The following NLGN1 variants were observed in gnomAD, a reference collection of about 807,000 sequenced individuals.
NLGN1 encodes neuroligin-1.
Under a neutral mutation model 65.5 loss-of-function variants are expected in NLGN1, and 12 were observed. The observed-to-expected ratio is 0.18, with a 90% CI of 0.12 to 0.30. The LOEUF (loss-of-function observed/expected upper bound fraction) is 0.30, where lower values mean the gene tolerates loss of function less well. Among genes scored for constraint, NLGN1 ranks in the 10% least tolerant of loss-of-function variants. NLGN1 has a pLI of 1.00. For missense variants in NLGN1, 750 were observed against 1,007.1 expected, an observed-to-expected ratio of 0.74 and a Z score of 3.46; for synonymous variants, 350 against 359.5, an observed-to-expected ratio of 0.97 and a Z score of 0.30.
chr3:173,847,157 A>G (rs976935367), intron 4 of NLGN1, among the ~76,000 whole-genome samples: 17 of 152,324 alleles, frequency 1.1e-4, no homozygotes, highest in African/African-American at 4.1e-4. Context: ...TTAAAGAGCC[A>G]CTGTTTGAAA....
chr3:173,527,429 G>A (rs917400684), intron 2 of NLGN1, among the ~76,000 whole-genome samples: 10 of 151,646 alleles, frequency 6.6e-5, no homozygotes, highest in South Asian at 2.1e-4. Flanking sequence ...ACGGAGTCTC[G>A]CTCTTTCACC....
chr3:173,449,490 G>A (rs1362919407), intron 2 of NLGN1, among the ~76,000 whole-genome samples: 1 of 152,128 alleles, frequency 6.6e-6, no homozygotes. Context: ...CAACTATGTG[G>A]TCAATTTTGT....
At chr3:174,211,904 C>G (rs1027709194) in intron 4 of NLGN1, among the ~76,000 whole-genome samples, 3 of 152,188 alleles carry the variant, frequency 2.0e-5, no homozygotes, top group Non-Finnish European at 4.4e-5. Context: ...GCCCAGCTGG[C>G]TTCACCCAGT....
rs79808170 is a variant in NLGN1, at chr3:173,919,569, T to C, written c.646+111737T>C. 8.9e-3 allele frequency among the ~76,000 whole-genome samples: 1,354 copies of C among 152,274 alleles called. 16 individuals are homozygous for C. The highest frequency in any genetic ancestry group is 0.031 in the African/African-American group (1,285 of 41,550). On this transcript the variant is annotated intron_variant, in intron 4 of 6. Transcript: ENST00000457714. ...TCCAGCTAATGGTAGAGTTAAGAAT[T>C]TGAAATAAGCCTGGCCAATTCCAAA...
intron 3 of NLGN1, among the ~76,000 whole-genome samples, chr3:173,788,951 A>C (rs1055273260): frequency 6.6e-6 from 1 of 151,184 alleles, no homozygotes; most frequent in Non-Finnish European, 1.5e-5. Context: ...TAATCCCAGC[A>C]CTTTGGGAGG....
At chr3:173,781,144 C>CAGAAAAAAAAAAAAA (rs774460899) in intron 3 of NLGN1, among the ~76,000 whole-genome samples, 1 of 80,386 alleles carries the variant, frequency 1.2e-5, no homozygotes, top group African/African-American at 5.5e-5. Flanking sequence ...GACTCCGTCT[C>CAGAAAAAAAAAAAAA]AAAAAAAAAA....
chr3:173,699,355 A>G (rs1766757457), intron 3 of NLGN1, among the ~76,000 whole-genome samples: 1 of 152,222 alleles, frequency 6.6e-6, no homozygotes, highest in Non-Finnish European at 1.5e-5. Context: ...ACTTGACGTT[A>G]AATATGTTAG....
intron 2 of NLGN1, among the ~76,000 whole-genome samples, chr3:173,567,303 G>T (rs879587324): frequency 1.8e-4 from 28 of 152,114 alleles, no homozygotes; most frequent in Admixed American, 3.3e-4. Context: ...TTGAATGTAT[G>T]ACTAATACAT....
intron 3 of NLGN1, among the ~76,000 whole-genome samples, chr3:173,655,946 A>G (rs1759955618): frequency 1.3e-5 from 2 of 152,146 alleles, no homozygotes; most frequent in African/African-American, 4.8e-5. Context: ...TGAAAATGAA[A>G]GTACACTCCA....
At chr3:173,796,389 A>T (rs1270041909) in intron 3 of NLGN1, among the ~76,000 whole-genome samples, 1 of 150,382 alleles carries the variant, frequency 6.6e-6, no homozygotes, top group African/African-American at 2.5e-5. Context: ...GTCCTTTACC[A>T]GAACCCATAC....
Position 173,537,483 on chromosome 3 carries a change from AGTGT to A in NLGN1, c.-320-66775_-320-66772del, listed in dbSNP as rs35226730. Among the ~76,000 whole-genome samples, 466 of 149,102 alleles carry A rather than the reference AGTGT, an allele frequency of 3.1e-3. 2 individuals carry two copies. The highest frequency in any genetic ancestry group is 0.014 in the Middle Eastern group (4 of 288). On this transcript the variant is annotated intron_variant, in intron 2 of 6. Coordinates refer to ENST00000457714, the Ensembl canonical transcript of NLGN1. ...AGGGAAGAAAAAAAGGTATTTGCTTAGTGTGTGTGTGTGTGTGTGTGTGTTTGTG... is the reference window on the plus strand; with the variant it reads ...AGGGAAGAAAAAAAGGTATTTGCTTAGTGTGTGTGTGTGTGTGTGTTTGTG...
chr3:173,952,740 A>G (rs1338839230), intron 4 of NLGN1, among the ~76,000 whole-genome samples: 1 of 148,274 alleles, frequency 6.7e-6, no homozygotes, highest in South Asian at 2.1e-4. Context: ...TTATTTTTTT[A>G]TCTTACTACT....
chr3:173,728,878 G>T (rs1331506761), intron 3 of NLGN1, among the ~76,000 whole-genome samples: 1 of 152,074 alleles, frequency 6.6e-6, no homozygotes, highest in Non-Finnish European at 1.5e-5. Flanking sequence ...ATCCAGAACT[G>T]TGAGAGGATA....
At chr3:173,669,419 G>A (rs553521484) in intron 3 of NLGN1, among the ~76,000 whole-genome samples, 6 of 152,248 alleles carry the variant, frequency 3.9e-5, no homozygotes, top group South Asian at 2.1e-4. Flanking sequence ...ATCTGTTCCC[G>A]TCTCTCCGCT....
intron 4 of NLGN1, among the ~76,000 whole-genome samples, chr3:174,202,466 A>T (rs187548310): frequency 6.7e-6 from 1 of 150,078 alleles, no homozygotes; most frequent in Admixed American, 6.6e-5. Flanking sequence ...AGAAAAAAAA[A>T]ATAAAACCCT....
chr3:173,673,497 A>G (rs557553402), intron 3 of NLGN1, among the ~76,000 whole-genome samples: 389 of 152,274 alleles, frequency 2.6e-3, no homozygotes, highest in Non-Finnish European at 4.5e-3. Context: ...TGCAAGGTCT[A>G]GTTTGCTTAC....
intron 3 of NLGN1, among the ~76,000 whole-genome samples, chr3:173,802,046 T>C (rs1715554936): frequency 1.3e-5 from 2 of 152,170 alleles, no homozygotes; most frequent in African/African-American, 4.8e-5. Context: ...CTTCTTCATG[T>C]GTATCTTTGT....
chr3:173,703,533 G>T (rs1560201659), intron 3 of NLGN1, among the ~76,000 whole-genome samples: 2 of 151,962 alleles, frequency 1.3e-5, no homozygotes. Flanking sequence ...ATAAATGCTG[G>T]ATTACATAAG....
At chr3:173,992,359 T>C (rs957310166) in intron 4 of NLGN1, among the ~76,000 whole-genome samples, 4 of 152,102 alleles carry the variant, frequency 2.6e-5, no homozygotes, top group African/African-American at 9.7e-5. Context: ...ATAGCCATAA[T>C]TGAAGCTGCA....
Sources: allele counts gnomAD v4.1 joint callset (sites outside exome capture counted in the v4.1 genomes callset), GRCh38; gene constraint gnomAD v4.1.1; transcripts MANE v1.5; gene names NCBI Gene and HGNC (gene_info 2026-07-23, HGNC 2026-07-21).